Variants in HDAC6 observed in about 807,000 individuals in gnomAD.
HDAC6 encodes the protein histone deacetylase 6.
HDAC6 carries 5 observed loss-of-function variants against 88.9 expected under a neutral mutation model. The ratio of observed to expected loss-of-function variants is 0.06; its 90% confidence interval spans 0.03 to 0.12. HDAC6 has a LOEUF of 0.12. HDAC6 is among the 10% of genes least tolerant of loss of function. The pLI is 1.00. For missense variants in HDAC6, 706 were observed against 1,014.4 expected, an observed-to-expected ratio of 0.70 and a Z score of 4.13; for synonymous variants, 378 against 398.0, an observed-to-expected ratio of 0.95 and a Z score of 0.60.
At chrX:48,814,003 TTAC>T (rs1557026495) in intron 10 of HDAC6, 2 of 125,380 alleles carry the variant, frequency 1.6e-5, no homozygotes, top group African/African-American at 6.5e-5. Flanking sequence ...TGACCTGCTG[TTAC>T]TACTACCTTT....
intron 6 of HDAC6, chrX:48,806,109 G>C (rs1305351314): frequency 5.4e-6 from 2 of 368,833 alleles, no homozygotes; most frequent in Non-Finnish European, 9.5e-6. Flanking sequence ...GGTGACTGAG[G>C]GAAGGGAAGA....
rs113753590 is a variant in HDAC6, at chrX:48,812,203, A to G, written c.807-2237A>G. Among the ~76,000 whole-genome samples the G allele has an allele frequency of 1.2e-4, 14 of 112,560 alleles. 2 individuals carry two copies. Among genetic ancestry groups the G allele is most frequent in the African/African-American group, 3.9e-4 (12 of 31,000 alleles). On this transcript the variant is annotated intron_variant, in intron 10 of 28. Transcript: ENST00000334136. ...CTATTGATTACACACACAGATGTGA[A>G]ACACTGTGAATATATTCAGTGCATT...
chrX:48,820,092 T>A lies in HDAC6; in HGVS notation c.2188-14T>A. 1 of 1,209,455 alleles carries A rather than the reference T, an allele frequency of 8.3e-7. No individual in the cohort carries two copies. The highest frequency in any genetic ancestry group is 1.1e-6 in the Non-Finnish European group (1 of 894,362). ...TACCCTCATGCTTATACATCTCTTC[T>A]CTCCCTGCCTCAGTTTAACCCAGAA... is the stretch of plus-strand genomic sequence containing the variant. On this transcript the variant is annotated splice_polypyrimidine_tract_variant and intron_variant, in intron 22 of 28. Coordinates refer to ENST00000334136, the MANE Select transcript of HDAC6 (RefSeq NM_006044.4).
chrX:48,812,911 C>T lies in HDAC6; in HGVS notation c.807-1529C>T, dbSNP rs1352911244. Among the ~76,000 whole-genome samples the T allele has an allele frequency of 4.5e-5, 5 of 110,314 alleles. No homozygotes were observed. In the East Asian group the frequency reaches 1.4e-3, roughly 31 times the overall value. Reference sequence around the variant, plus strand: ...TTCCCCAATGATATTTTTTTCTTTTCCTTTCTTTTTTTTTGAGACAGAGTC... The same window carrying T: ...TTCCCCAATGATATTTTTTTCTTTTTCTTTCTTTTTTTTTGAGACAGAGTC... On this transcript the variant is annotated intron_variant, in intron 10 of 28. Transcript: ENST00000334136.
chrX:48,815,500 G>A lies in HDAC6; in HGVS notation c.1256+10G>A, dbSNP rs782213865. On this transcript the variant is annotated intron_variant, in intron 15 of 28. Coordinates refer to ENST00000334136, the MANE Select transcript of HDAC6 (RefSeq NM_006044.4). The stretch of plus-strand genomic sequence containing the variant: ...GTGCCCCCTGCCGGAGGTGAGCCCC[G>A]GTGGAGGAGGGGAAAGCGGGAGCCT... 6.7e-6 allele frequency: 8 copies of A among 1,195,880 alleles called. No individual in the cohort carries two copies. Among genetic ancestry groups the A allele is most frequent in the Non-Finnish European group, 7.9e-6 (7 of 883,220 alleles).
intron 18 of HDAC6, 58 bp downstream of exon 18, chrX:48,816,327 G>C: frequency 8.6e-7 from 1 of 1,165,374 alleles, no homozygotes; most frequent in Non-Finnish European, 1.2e-6. Context: ...AGGTCTCAGG[G>C]GCTGGAACTT....
intron 4 of HDAC6, among the ~76,000 whole-genome samples, chrX:48,805,146 G>A (rs1557023742): frequency 9.0e-6 from 1 of 111,699 alleles, no homozygotes; most frequent in Admixed American, 9.5e-5. Flanking sequence ...GACATGAACT[G>A]ATTAGGGTTT....
chrX:48,803,510 G>C (rs934597428), intron 4 of HDAC6: 7 of 289,991 alleles, frequency 2.4e-5, no homozygotes, highest in Non-Finnish European at 4.3e-5. Flanking sequence ...AGCAGTATGA[G>C]GTGTTTAATG....
At chrX:48,810,820 G>C (rs1372408868) in intron 10 of HDAC6, 2 of 110,181 alleles carry the variant, frequency 1.8e-5, no homozygotes, top group African/African-American at 6.6e-5. Flanking sequence ...TGTTGCCCAG[G>C]CTTCTTATTT....
rs1557032026 is a variant in HDAC6, at chrX:48,824,940, A to G, written c.*328A>G. ...GGGGAGTTAACTGGCAGGCATGGCA[A>G]GGTTGCATATGTAATAAAGTACAAG... On this transcript the variant is annotated 3_prime_UTR_variant, in exon 29 of 29. Coordinates refer to ENST00000334136, the MANE Select transcript of HDAC6 (RefSeq NM_006044.4). 6.7e-6 allele frequency: 7 copies of G among 1,051,312 alleles called. No individual in the cohort carries two copies. The highest frequency in any genetic ancestry group is 4.8e-5 in the East Asian group (1 of 20,707). The allele number at this position is 1,051,312 out of a possible 1,213,427, so 86.6% of individuals were successfully genotyped here. A position where few individuals can be genotyped will look rare whatever the true frequency, so the allele number is the denominator to read the frequency against.
chrX:48,820,775 T>C (rs1569505158), intron 23 of HDAC6, among the ~76,000 whole-genome samples: 1 of 112,322 alleles, frequency 8.9e-6, no homozygotes, highest in East Asian at 2.8e-4. Context: ...AGGCTAATCA[T>C]GGAGGAATGC....
chrX:48,821,475 G>C (rs182879167), intron 23 of HDAC6, among the ~76,000 whole-genome samples: 65 of 103,174 alleles, frequency 6.3e-4, no homozygotes, highest in African/African-American at 2.2e-3. Context: ...ACAGGCATGA[G>C]CTACCATACC....
intron 23 of HDAC6, among the ~76,000 whole-genome samples, chrX:48,821,556 G>T (rs1299238218): frequency 1.0e-5 from 1 of 99,250 alleles, no homozygotes; most frequent in Non-Finnish European, 2.0e-5. Context: ...AGGCTGGAGT[G>T]CAATGGCGCT....
chrX:48,819,980 A>G (rs782577537), intron 22 of HDAC6, 126 bp from the exon 23 acceptor site: 1 of 655,714 alleles, frequency 1.5e-6, no homozygotes, highest in Non-Finnish European at 2.5e-6. Context: ...CTGTGTCTCC[A>G]TCTCTCTGAC....
chrX:48,820,212 T>C lies in HDAC6; in HGVS notation c.2294T>C (p.Leu765Pro), dbSNP rs782719563. 23 of 1,207,933 alleles carry C rather than the reference T, an allele frequency of 1.9e-5. No homozygotes were observed. Among genetic ancestry groups the C allele is most frequent in the Non-Finnish European group, 2.6e-5 (23 of 893,032 alleles). ...SPEGYAHLTH[L>P]LMGLASGRII... ...GAGGGTTATGCCCACCTCACCCACCTGCTGATGGGCCTTGCCAGTGGCCGC... is the reference window on the plus strand; with the variant it reads ...GAGGGTTATGCCCACCTCACCCACCCGCTGATGGGCCTTGCCAGTGGCCGC... Residue 765 changes from leucine (L) to proline (P), a missense_variant, in exon 23 of 29, where the codon CTG (leucine) becomes CCG (proline). Physicochemically the swap from Leu to Pro is moderately conservative, Grantham distance 98. Coordinates refer to ENST00000334136, the MANE Select transcript of HDAC6 (RefSeq NM_006044.4).
intron 4 of HDAC6, 133 bp from the exon 5 acceptor site, chrX:48,805,305 G>C: frequency 4.1e-6 from 2 of 488,979 alleles, no homozygotes; most frequent in Admixed American, 6.2e-5. Context: ...CACCAGAGCT[G>C]ATGGGAGGCA....
intron 8 of HDAC6, 146 bp from the exon 9 acceptor site, chrX:48,807,887 G>A (rs1266659115): frequency 4.4e-6 from 2 of 453,774 alleles, no homozygotes; most frequent in Admixed American, 3.8e-5. Flanking sequence ...AGAGTTTGAG[G>A]GCCTCCATTA....
chrX:48,824,535 C>T lies in HDAC6; in HGVS notation c.3580-9C>T. Reference sequence around the variant, plus strand: ...TCTCTCACCTGCCCTATTCTTGCCTCCTCCTCAGGCTCTCCTAGATGTGAA... The same window carrying T: ...TCTCTCACCTGCCCTATTCTTGCCTTCTCCTCAGGCTCTCCTAGATGTGAA... On this transcript the variant is annotated splice_polypyrimidine_tract_variant and intron_variant, in intron 28 of 28. Coordinates refer to ENST00000334136, the MANE Select transcript of HDAC6 (RefSeq NM_006044.4). The T allele has an allele frequency of 8.3e-7, 1 of 1,206,649 alleles. No individual in the cohort carries two copies. Among genetic ancestry groups the T allele is most frequent in the South Asian group, 1.8e-5 (1 of 56,652 alleles).
chrX:48,805,755 T>C, intron 6 of HDAC6, 84 bp downstream of exon 6: 1 of 813,681 alleles, frequency 1.2e-6, no homozygotes, highest in Non-Finnish European at 1.8e-6. Context: ...GGAAGCAATG[T>C]CATGGTCTCT....
Sources: gnomAD v4.1 joint callset for allele counts (sites outside exome capture counted in the v4.1 genomes callset) on GRCh38, gnomAD v4.1.1 for gene constraint, MANE v1.5 for transcripts, NCBI Gene and HGNC (gene_info 2026-07-23, HGNC 2026-07-21) for gene names.